POLR3B: variants seen among roughly 807,000 people sequenced by gnomAD.
The protein encoded by POLR3B is DNA-directed RNA polymerase III subunit RPC2.
In POLR3B, 96 loss-of-function variants were observed where a neutral mutation model predicts 147.4. That is an observed-to-expected ratio of 0.65 (90% CI 0.55 to 0.77). The LOEUF (loss-of-function observed/expected upper bound fraction) is 0.77. POLR3B is among the 30% of genes least tolerant of loss of function. The pLI is 0.00. For synonymous variants in POLR3B, 461 were observed against 485.9 expected, an observed-to-expected ratio of 0.95 and a Z score of 0.67; for missense variants, 1,036 against 1,413.5, an observed-to-expected ratio of 0.73 and a Z score of 4.28.
At chr12:106,428,232 C>G (rs1439308325) in intron 13 of POLR3B, among the ~76,000 whole-genome samples, 1 of 152,128 alleles carries the variant, frequency 6.6e-6, no homozygotes, top group African/African-American at 2.4e-5. Context: ...AATGCTTGAA[C>G]AAACTTCTGT....
chr12:106,508,744 A>G (rs1271449098), intron 27 of POLR3B, among the ~76,000 whole-genome samples: 3 of 152,254 alleles, frequency 2.0e-5, no homozygotes, highest in East Asian at 3.8e-4. Context: ...AAGTGGGAAC[A>G]TATGTGCACA....
Position 106,357,813 on chromosome 12 carries a change from C to A in POLR3B, c.-67C>A. The A allele has an allele frequency of 6.8e-7, 1 of 1,479,832 alleles. No homozygotes were observed. The highest frequency in any genetic ancestry group is 9.3e-7 in the Non-Finnish European group (1 of 1,071,496). The allele number at this position is 1,479,832 out of a possible 1,614,324, so 91.7% of individuals were successfully genotyped here. On this transcript the variant is annotated 5_prime_UTR_variant, in exon 1 of 28. Coordinates refer to ENST00000228347, the MANE Select transcript of POLR3B (RefSeq NM_018082.6). ...CGCGCACCGTTCGCCGGGAGTCTTG[C>A]AGTTTGCTTGGTGCAGGGAAGGCGG...
At chr12:106,396,390 T>C (rs765602537) in intron 10 of POLR3B, among the ~76,000 whole-genome samples, 2 of 152,200 alleles carry the variant, frequency 1.3e-5, no homozygotes, top group African/African-American at 4.8e-5. Context: ...TCTTAAACTT[T>C]AATGGCCTTT....
At chr12:106,507,020 A>G (rs1459366246) in intron 27 of POLR3B, among the ~76,000 whole-genome samples, 3 of 152,178 alleles carry the variant, frequency 2.0e-5, no homozygotes, top group Admixed American at 6.5e-5. Context: ...TTTGCACATT[A>G]GTGAGGCATT....
chr12:106,411,791 C>T (rs568535141), intron 12 of POLR3B, among the ~76,000 whole-genome samples: 2 of 152,282 alleles, frequency 1.3e-5, no homozygotes, highest in African/African-American at 4.8e-5. Context: ...CATTTTATTT[C>T]AAGACTGTGT....
At chr12:106,442,298 A>G (rs2037662839) in intron 18 of POLR3B, among the ~76,000 whole-genome samples, 1 of 152,146 alleles carries the variant, frequency 6.6e-6, no homozygotes, top group Admixed American at 6.5e-5. Context: ...ACTCAATCCA[A>G]TGTTAACATC....
chr12:106,435,154 G>T (rs1178627822), intron 16 of POLR3B, among the ~76,000 whole-genome samples: 1 of 149,470 alleles, frequency 6.7e-6, no homozygotes, highest in Admixed American at 6.7e-5. Flanking sequence ...TTGAGACAGA[G>T]TCTCACTTTG....
intron 3 of POLR3B, 22 bp downstream of exon 3, chr12:106,366,594 T>C: frequency 1.3e-6 from 2 of 1,598,782 alleles, no homozygotes; most frequent in Non-Finnish European, 1.7e-6. Context: ...ATGTTAGAAA[T>C]AGACATAAAC....
At chr12:106,404,722 C>G (rs2037125678) in intron 10 of POLR3B, among the ~76,000 whole-genome samples, 1 of 151,854 alleles carries the variant, frequency 6.6e-6, no homozygotes, top group African/African-American at 2.4e-5. Context: ...TTTCTTAATT[C>G]TTTTAATTTT....
chr12:106,390,890 A>G (rs2036904878), intron 9 of POLR3B, among the ~76,000 whole-genome samples: 1 of 152,116 alleles, frequency 6.6e-6, no homozygotes, highest in African/African-American at 2.4e-5. Flanking sequence ...GATGTCAGCC[A>G]CAAGCTGAGC....
At chr12:106,431,532 A>G (rs1162360239) in intron 14 of POLR3B, among the ~76,000 whole-genome samples, 1 of 152,186 alleles carries the variant, frequency 6.6e-6, no homozygotes, top group East Asian at 1.9e-4. Flanking sequence ...ACCGGGTTGC[A>G]TAGATGTTTA....
At chr12:106,387,051 A>T (rs909508088) in intron 9 of POLR3B, among the ~76,000 whole-genome samples, 6 of 152,244 alleles carry the variant, frequency 3.9e-5, no homozygotes, top group African/African-American at 1.4e-4. Flanking sequence ...ATATTTATGT[A>T]ACCAGTAGTT....
Position 106,405,887 on chromosome 12 carries a change from AG to A in POLR3B, c.879del (p.Arg293SerfsTer14). The A allele has an allele frequency of 6.2e-7, 1 of 1,613,274 alleles. No homozygotes were observed. The highest frequency in any genetic ancestry group is 2.2e-5 in the East Asian group (1 of 44,864). On this transcript the variant is annotated frameshift_variant, in exon 11 of 28. Coordinates refer to ENST00000228347, the MANE Select transcript of POLR3B (RefSeq NM_018082.6). LOFTEE classifies it high-confidence loss of function. ...ALKYIGNKVR[R>X]QRMWGGGPKK... The stretch of plus-strand genomic sequence containing the variant: ...AAAATATATAGGGAACAAAGTAAGA[AG>A]GCAAAGGATGTGGGGAGGTGGACCA...
Position 106,509,870 on chromosome 12 carries a change from C to A in POLR3B, c.*321C>A. The stretch of plus-strand genomic sequence containing the variant: ...GACATTCACTCATTAGAAGACCTTA[C>A]TCCTTCAAGCAAATGTTTGGGGTCA... On this transcript the variant is annotated 3_prime_UTR_variant, in exon 28 of 28. Transcript: ENST00000228347. The A allele has an allele frequency of 4.0e-6, 1 of 248,098 alleles. No homozygotes were observed. The highest frequency in any genetic ancestry group is 8.0e-6 in the Non-Finnish European group (1 of 124,592). 15.4% of individuals were successfully genotyped at this position (248,098 alleles called of 1,614,324 possible). A position where few individuals can be genotyped will look rare whatever the true frequency, so the allele number is the denominator to read the frequency against.
chr12:106,451,003 A>G, intron 19 of POLR3B, among the ~76,000 whole-genome samples: 1 of 152,208 alleles, frequency 6.6e-6, no homozygotes, highest in East Asian at 1.9e-4. Flanking sequence ...CTAAGCCATA[A>G]AAAGAATGAA....
At chr12:106,481,578 C>G (rs1379729782) in intron 23 of POLR3B, among the ~76,000 whole-genome samples, 1 of 152,342 alleles carries the variant, frequency 6.6e-6, no homozygotes, top group East Asian at 1.9e-4. Flanking sequence ...TAGTATTACT[C>G]TCCTGTTACT....
At chr12:106,359,817 A>G in intron 1 of POLR3B, among the ~76,000 whole-genome samples, 1 of 152,176 alleles carries the variant, frequency 6.6e-6, no homozygotes, top group East Asian at 1.9e-4. Flanking sequence ...CTTGCATTAG[A>G]AGCCTGGTAG....
At chr12:106,414,198 A>G (rs1207379479) in intron 12 of POLR3B, among the ~76,000 whole-genome samples, 2 of 138,324 alleles carry the variant, frequency 1.4e-5, no homozygotes, top group African/African-American at 2.6e-5. Flanking sequence ...GATGTATCCC[A>G]TGTTCAGGAT....
rs777122841 is a variant in POLR3B, at chr12:106,369,291, G to A, written c.244G>A (p.Val82Ile). 1.3e-6 allele frequency: 2 copies of A among 1,591,074 alleles called. No individual in the cohort carries two copies. Among genetic ancestry groups the A allele is most frequent in the Non-Finnish European group, 1.7e-6 (2 of 1,159,014 alleles). ...MWYLKYLNIY[V>I]GLPDVEESFN... is the part of the protein sequence containing the mutation. ...GCTTTTCAGATATCTTAATATCTAT[G>A]TTGGGCTTCCTGATGTTGAAGAAAG... The change falls in exon 5 of 28, where the codon GTT (valine) becomes ATT (isoleucine). Residue 82 changes from valine to isoleucine, a missense_variant. This residue lies in a region of POLR3B where 150 missense variants were observed against 145.5 expected (regional missense o/e 1.03). Transcript: ENST00000228347.
Sources: gnomAD v4.1 joint callset for allele counts (sites outside exome capture counted in the v4.1 genomes callset) on GRCh38, gnomAD v4.1.1 for gene constraint, gnomAD v4.1.1 regional missense constraint, MANE v1.5 for transcripts, NCBI Gene and HGNC (gene_info 2026-07-23, HGNC 2026-07-21) for gene names.